The following DOCK1 variants were observed in gnomAD, a reference collection of about 807,000 sequenced individuals.
DOCK1 encodes dedicator of cytokinesis protein 1.
A neutral mutation model predicts 262.7 loss-of-function variants in DOCK1; 138 were observed. The observed-to-expected ratio is 0.53, with a 90% CI of 0.46 to 0.61. DOCK1 has a LOEUF of 0.61. Among genes scored for constraint, DOCK1 ranks in the 20% least tolerant of loss-of-function variants. The pLI, the probability that DOCK1 is intolerant of heterozygous loss-of-function variation, is 0.00. For missense variants in DOCK1, 1,908 were observed against 2,370.7 expected, an observed-to-expected ratio of 0.80 and a Z score of 4.05; for synonymous variants, 866 against 867.4, an observed-to-expected ratio of 1.00 and a Z score of 0.03.
chr10:127,267,167 TTC>T, intron 29 of DOCK1, among the ~76,000 whole-genome samples: 1 of 152,198 alleles, frequency 6.6e-6, no homozygotes, highest in Non-Finnish European at 1.5e-5. Flanking sequence ...ACATTGGCAG[TTC>T]TCTCTCAGCA....
At chr10:127,017,548 C>T (rs1284052001) in intron 12 of DOCK1, among the ~76,000 whole-genome samples, 3 of 151,982 alleles carry the variant, frequency 2.0e-5, no homozygotes, top group East Asian at 3.9e-4. Flanking sequence ...CACACAGACA[C>T]ACACACACAC....
At chr10:127,008,509 A>G (rs1322509045) in intron 10 of DOCK1, among the ~76,000 whole-genome samples, 2 of 152,214 alleles carry the variant, frequency 1.3e-5, no homozygotes, top group African/African-American at 2.4e-5. Context: ...GGCAAAGGAA[A>G]TTATTAAATG....
chr10:127,442,181 G>C (rs1461522189), intron 49 of DOCK1, among the ~76,000 whole-genome samples: 1 of 152,094 alleles, frequency 6.6e-6, no homozygotes, highest in Admixed American at 6.5e-5. Flanking sequence ...TTACCAGAGG[G>C]CCTGAATCTT....
At chr10:127,347,276 A>G (rs772545469) in intron 31 of DOCK1, among the ~76,000 whole-genome samples, 7 of 152,186 alleles carry the variant, frequency 4.6e-5, no homozygotes, top group Non-Finnish European at 7.3e-5. Context: ...GCCGGGGACA[A>G]AGACACAGAC....
chr10:127,213,885 G>A (rs1055094772), intron 27 of DOCK1, among the ~76,000 whole-genome samples: 11 of 152,144 alleles, frequency 7.2e-5, no homozygotes, highest in Non-Finnish European at 1.5e-4. Context: ...TGTCGCCCAG[G>A]CTGGAGTGCA....
intron 28 of DOCK1, among the ~76,000 whole-genome samples, chr10:127,249,084 G>A (rs563822902): frequency 2.6e-5 from 4 of 152,176 alleles, no homozygotes; most frequent in African/African-American, 7.2e-5. Flanking sequence ...GATGGGGACC[G>A]CTGTAAAAGA....
chr10:127,265,012 CATAGGGAAGGA>C (rs1278501919), intron 29 of DOCK1, among the ~76,000 whole-genome samples: 12 of 152,148 alleles, frequency 7.9e-5, no homozygotes, highest in Non-Finnish European at 1.2e-4. Context: ...AGGAGAAGAT[CATAGGGAAGGA>C]ATCAGTTGAG....
chr10:127,220,907 T>A (rs1237131179), intron 27 of DOCK1, among the ~76,000 whole-genome samples: 1 of 152,178 alleles, frequency 6.6e-6, no homozygotes, highest in Non-Finnish European at 1.5e-5. Context: ...AGCAGAGCTC[T>A]CCTCTCTCTA....
At position 127,052,895 on chromosome 10, in the gene DOCK1, G is replaced by A. The variant is rs919094864; in HGVS notation, c.2336+80G>A. ...TCACTTCTTTCCTTCCCCTTCTCTC[G>A]TCCCCTTATTCTTTCCTTTCTTCTT... On this transcript the variant is annotated intron_variant, in intron 22 of 51. Transcript: ENST00000623213. The A allele has an allele frequency of 2.2e-5, 33 of 1,530,200 alleles. No homozygotes were observed. The African/African-American group carries it at 2.4e-4, about 11-fold the overall frequency. The allele number at this position is 1,530,200 out of a possible 1,614,324, so 94.8% of individuals were successfully genotyped here.
intron 33 of DOCK1, among the ~76,000 whole-genome samples, chr10:127,364,430 G>A (rs933984384): frequency 3.3e-5 from 5 of 152,100 alleles, no homozygotes; most frequent in African/African-American, 1.2e-4. Flanking sequence ...GCAGTGACGC[G>A]ATCTCAGCTC....
At chr10:127,406,742 A>C (rs1382950225) in intron 40 of DOCK1, among the ~76,000 whole-genome samples, 1 of 152,232 alleles carries the variant, frequency 6.6e-6, no homozygotes, top group Non-Finnish European at 1.5e-5. Flanking sequence ...TTTCATGTTC[A>C]AAAGGATCAC....
chr10:127,413,777 A>G (rs1323213814), intron 43 of DOCK1, among the ~76,000 whole-genome samples: 2 of 152,176 alleles, frequency 1.3e-5, no homozygotes, highest in Non-Finnish European at 2.9e-5. Flanking sequence ...AGCCGTCCCC[A>G]TGGGGCAAAG....
chr10:127,200,624 C>G (rs757097152), intron 27 of DOCK1, among the ~76,000 whole-genome samples: 5 of 152,084 alleles, frequency 3.3e-5, no homozygotes, highest in Non-Finnish European at 5.9e-5. Context: ...GGCTGGTCTC[C>G]AACTCCTCAG....
At chr10:127,327,943 G>A (rs188525701) in intron 29 of DOCK1, among the ~76,000 whole-genome samples, 1 of 152,084 alleles carries the variant, frequency 6.6e-6, no homozygotes, top group African/African-American at 2.4e-5. Flanking sequence ...ATTTCTTTGT[G>A]TGTTTCCTGT....
chr10:127,440,542 TG>T, intron 49 of DOCK1, among the ~76,000 whole-genome samples: 1 of 152,266 alleles, frequency 6.6e-6, no homozygotes, highest in South Asian at 2.1e-4. Context: ...GGTGTCTGCT[TG>T]TCTCAGCCCT....
chr10:127,197,126 G>C (rs2057230346), intron 27 of DOCK1, among the ~76,000 whole-genome samples: 1 of 152,276 alleles, frequency 6.6e-6, no homozygotes, highest in African/African-American at 2.4e-5. Flanking sequence ...CATGGGGACA[G>C]GAGGTCCTAT....
At chr10:127,257,719 C>T in intron 29 of DOCK1, 1 of 283,482 alleles carries the variant, frequency 3.5e-6, no homozygotes, top group East Asian at 5.6e-5. Context: ...GGGTTCTGCT[C>T]GACGTCGCTC....
rs747039087 is a variant in DOCK1, at chr10:126,905,571, G to GCGC, written c.46+21_46+23dup. ...AGGAGAAGTACGGCGTGGGTGAGCA[G>GCGC]CGCCGCCGCCGCCGCGCCTCTCGCC... On this transcript the variant is annotated intron_variant, in intron 1 of 51. Transcript: ENST00000623213. 4.1e-4 allele frequency: 163 copies of GCGC among 400,318 alleles called. No homozygotes were observed. The highest frequency in any genetic ancestry group is 6.2e-4 in the Non-Finnish European group (137 of 222,490). 24.8% of individuals were successfully genotyped at this position (400,318 alleles called of 1,614,324 possible). A position where few individuals can be genotyped will look rare whatever the true frequency, so the allele number is the denominator to read the frequency against.
chr10:126,971,112 G>A (rs1352283004), intron 2 of DOCK1, among the ~76,000 whole-genome samples: 2 of 151,012 alleles, frequency 1.3e-5, no homozygotes, highest in Non-Finnish European at 1.5e-5. Context: ...GTGAGGTGGT[G>A]TAATCTCAGC....
Sources: allele counts gnomAD v4.1 joint callset (sites outside exome capture counted in the v4.1 genomes callset), GRCh38; gene constraint gnomAD v4.1.1; transcripts MANE v1.5; gene names NCBI Gene and HGNC (gene_info 2026-07-23, HGNC 2026-07-21).